CIT: variants seen among roughly 807,000 people sequenced by gnomAD.
The protein encoded by CIT is citron rho-interacting serine/threonine kinase, also known as citron Rho-interacting kinase.
Under a neutral mutation model 272.7 loss-of-function variants are expected in CIT, and 79 were observed. The ratio of observed to expected loss-of-function variants is 0.29; its 90% confidence interval spans 0.24 to 0.35. The LOEUF is 0.35. CIT is among the 10% of genes least tolerant of loss of function. The probability of loss-of-function intolerance (pLI) is 1.00; values close to 1 mark genes in which losing one functional copy is unlikely to be tolerated. For synonymous variants in CIT, 948 were observed against 995.6 expected, an observed-to-expected ratio of 0.95 and a Z score of 0.90; for missense variants, 1,909 against 2,618.3, an observed-to-expected ratio of 0.73 and a Z score of 5.91.
At chr12:119,708,340 C>T in intron 39 of CIT, 22 bp from the exon 40 acceptor site, 3 of 1,550,884 alleles carry the variant, frequency 1.9e-6, no homozygotes, top group Non-Finnish European at 2.6e-6. Flanking sequence ...AAGGAACAAC[C>T]TCTCGTCAGT....
rs1031755730 is a variant in CIT, at chr12:119,783,334, T to C, written c.1545+574A>G. The C allele has an allele frequency of 3.9e-5, 6 of 152,350 alleles. No homozygotes were observed. In the East Asian group the frequency reaches 1.2e-3, roughly 29 times the overall value. 9.4% of individuals were successfully genotyped at this position (152,350 alleles called of 1,614,324 possible). A position where few individuals can be genotyped will look rare whatever the true frequency, so the allele number is the denominator to read the frequency against. On this transcript the variant is annotated intron_variant, in intron 12 of 47. Transcript: ENST00000392521. ...ATTCAACTTCTTGAGACTGTTTAAT[T>C]GGGCACATTAAAAAACACCTGAATG...
At chr12:119,742,015 A>C (rs1464627973) in intron 24 of CIT, among the ~76,000 whole-genome samples, 3 of 152,204 alleles carry the variant, frequency 2.0e-5, no homozygotes, top group East Asian at 1.9e-4. Flanking sequence ...AATCTGGACA[A>C]GTCTCACAGA....
rs1268624070 is a variant in CIT at position 119,694,388 on chromosome 12, G to A, written c.5882+3271C>T. Among the ~76,000 whole-genome samples the A allele has an allele frequency of 6.6e-6, 1 of 152,204 alleles. No homozygotes were observed. The highest frequency in any genetic ancestry group is 6.5e-5 in the Admixed American group (1 of 15,274). On this transcript the variant is annotated intron_variant, in intron 46 of 47. Transcript: ENST00000392521. This position sits in a 1 kb window ranked among gnomAD's most constrained non-coding sequence, Gnocchi z 4.5. ...CCAATTAAGGTACAGCCCTGATAAGGAAGGTTGTGCAGGCATCTGGGGAGA... is the reference window on the plus strand; with the variant it reads ...CCAATTAAGGTACAGCCCTGATAAGAAAGGTTGTGCAGGCATCTGGGGAGA...
In CIT at chr12:119,726,297, C is replaced by A. The variant is rs144183309; in HGVS notation, c.3591+2205G>T. Among the ~76,000 whole-genome samples, 36 of 151,748 alleles carry A rather than the reference C, an allele frequency of 2.4e-4. 1 individual carries two copies. The highest frequency in any genetic ancestry group is 1.2e-3 in the Admixed American group (19 of 15,230). ...GCAGTGGTACCATCAGAGCTCAATGCAGCCTCAAACACCTGCGCTCAAGTG... is the reference window on the plus strand; with the variant it reads ...GCAGTGGTACCATCAGAGCTCAATGAAGCCTCAAACACCTGCGCTCAAGTG... On this transcript the variant is annotated intron_variant, in intron 28 of 47. Coordinates refer to ENST00000392521, the MANE Select transcript of CIT (RefSeq NM_001206999.2).
Position 119,713,536 on chromosome 12 carries a change from G to T in CIT, c.4419C>A (p.Asn1473Lys). ...FTEAFCRDKM[N>K]SPGLQTKEPS... Reference sequence around the variant, plus strand: ...GCTCCTTGGTCTGGAGACCTGGGGAGTTCATTTTGTCACGGCAGAAGGCCT... The same window carrying T: ...GCTCCTTGGTCTGGAGACCTGGGGATTTCATTTTGTCACGGCAGAAGGCCT... The change falls in exon 34 of 48, where the codon AAC becomes AAA. Residue 1473 changes from asparagine to lysine, a missense_variant. Physicochemically the swap from Asn to Lys is moderately conservative, Grantham distance 94 (BLOSUM62 0). Transcript: ENST00000392521. This position sits in a 1 kb window ranked among gnomAD's most constrained non-coding sequence, Gnocchi z 5.2. The T allele has an allele frequency of 6.2e-7, 1 of 1,614,222 alleles. No homozygotes were observed. Among genetic ancestry groups the T allele is most frequent in the Non-Finnish European group, 8.5e-7 (1 of 1,180,046 alleles).
intron 16 of CIT, 36 bp downstream of exon 16, chr12:119,775,750 G>A (rs762486733): frequency 5.8e-6 from 9 of 1,538,948 alleles, no homozygotes; most frequent in East Asian, 2.2e-5. Flanking sequence ...AGGAGGTGGT[G>A]GGGGGTAAGT....
intron 10 of CIT, among the ~76,000 whole-genome samples, chr12:119,799,146 C>T (rs191766809): frequency 6.6e-6 from 1 of 152,240 alleles, no homozygotes; most frequent in Non-Finnish European, 1.5e-5. Flanking sequence ...GCTTGGTTTC[C>T]AATCTGGTAT....
intron 5 of CIT, among the ~76,000 whole-genome samples, chr12:119,836,038 C>T (rs909199674): frequency 6.6e-6 from 1 of 152,004 alleles, no homozygotes; most frequent in African/African-American, 2.4e-5. Flanking sequence ...CCTGTAATCC[C>T]AGCACTTTGG....
intron 5 of CIT, among the ~76,000 whole-genome samples, chr12:119,845,609 C>T (rs1356249846): frequency 4.0e-5 from 6 of 149,238 alleles, no homozygotes; most frequent in African/African-American, 7.4e-5. Context: ...GCCAAGATCC[C>T]GCCACTGCAC....
intron 12 of CIT, chr12:119,782,923 T>C: frequency 3.5e-6 from 1 of 288,280 alleles, no homozygotes; most frequent in Non-Finnish European, 6.6e-6. Flanking sequence ...ACTTGCATGT[T>C]CAGGACTAAA....
At chr12:119,808,526 A>T (rs1966732603) in intron 9 of CIT, among the ~76,000 whole-genome samples, 1 of 140,532 alleles carries the variant, frequency 7.1e-6, no homozygotes, top group South Asian at 2.4e-4. Context: ...CTAGCATATT[A>T]AAAAAAAAAA....
rs76443072 is a variant in CIT, at chr12:119,707,423, G to A, written c.5211+756C>T. 2.9e-3 allele frequency among the ~76,000 whole-genome samples: 436 copies of A among 152,292 alleles called. 2 individuals are homozygous for A. The highest frequency in any genetic ancestry group is 9.9e-3 in the African/African-American group (413 of 41,550). ...ATGGAGCTGCCAATGTTAACAAAAC[G>A]CTGACATTAGAGCAGGAGGAGGCCA... On this transcript the variant is annotated intron_variant, in intron 40 of 47. Transcript: ENST00000392521.
intron 3 of CIT, among the ~76,000 whole-genome samples, chr12:119,860,278 T>C (rs1950298636): frequency 6.6e-6 from 1 of 152,150 alleles, no homozygotes; most frequent in Admixed American, 6.6e-5. Flanking sequence ...CACCTTCCCT[T>C]GGTCCCTTGG....
In CIT at chr12:119,712,265, G is replaced by A; in HGVS notation, c.4767C>T (p.Ser1589=). 6.2e-7 allele frequency: 1 copy of A among 1,614,198 alleles called. No homozygotes were observed. ...TGACCCAGCGCTGTTTGTCAGGGAAGCTGGGAGCTAGCAAGTAGAGGGTTC... is the reference window on the plus strand; with the variant it reads ...TGACCCAGCGCTGTTTGTCAGGGAAACTGGGAGCTAGCAAGTAGAGGGTTC... ...PGRTLYLLAP[S]FPDKQRWVTA... Residue 1589 remains serine (S), a synonymous_variant, in exon 37 of 48, where the codon AGC becomes AGT. Transcript: ENST00000392521. This position sits in a 1 kb window ranked among gnomAD's most constrained non-coding sequence, Gnocchi z 5.2.
chr12:119,771,268 G>A (rs948333862), intron 17 of CIT, among the ~76,000 whole-genome samples: 1 of 152,150 alleles, frequency 6.6e-6, no homozygotes, highest in African/African-American at 2.4e-5. Flanking sequence ...AAGCAAAGAG[G>A]TACAAAGTGC....
Position 119,697,728 on chromosome 12 carries a change from A to G in CIT, c.5813T>C (p.Ile1938Thr). 1 of 1,614,156 alleles carries G rather than the reference A, an allele frequency of 6.2e-7. No individual in the cohort carries two copies. Among genetic ancestry groups the G allele is most frequent in the Non-Finnish European group, 8.5e-7 (1 of 1,180,042 alleles). Residue 1938 changes from isoleucine to threonine, a missense_variant, in exon 46 of 48, where the codon ATT (isoleucine) becomes ACT (threonine). Around this residue, in one of 8 missense-constraint regions of CIT, gnomAD observed 780 missense variants for 1,067.2 expected, o/e 0.73. Coordinates refer to ENST00000392521, the MANE Select transcript of CIT (RefSeq NM_001206999.2). This position sits in a 1 kb window ranked among gnomAD's most constrained non-coding sequence, Gnocchi z 4.9. Reference sequence around the variant, plus strand: ...CTTCACGAGGTTTCCCTTGCAGCAAATGACCCTTAATTTATCCTGGTATGA... The same window carrying G: ...CTTCACGAGGTTTCCCTTGCAGCAAGTGACCCTTAATTTATCCTGGTATGA... ...ASSYQDKLRV[I>T]CCKGNLVKES...
At chr12:119,803,489 C>T in intron 9 of CIT, 100 bp from the exon 10 acceptor site, 1 of 827,654 alleles carries the variant, frequency 1.2e-6, no homozygotes, top group South Asian at 1.8e-5. Flanking sequence ...TCGGCGCTGG[C>T]GATGGCACTG....
Position 119,752,351 on chromosome 12 carries a change from G to A in CIT, c.2707-104C>T, listed in dbSNP as rs933061281. 8.2e-6 allele frequency: 9 copies of A among 1,092,234 alleles called. No individual in the cohort carries two copies. In the East Asian group the frequency reaches 2.4e-4, roughly 29 times the overall value. 67.7% of individuals were successfully genotyped at this position (1,092,234 alleles called of 1,614,324 possible). A position where few individuals can be genotyped will look rare whatever the true frequency, so the allele number is the denominator to read the frequency against. On this transcript the variant is annotated intron_variant, in intron 22 of 47. Coordinates refer to ENST00000392521, the MANE Select transcript of CIT (RefSeq NM_001206999.2). The stretch of plus-strand genomic sequence containing the variant: ...CTACTCAACCTGCAGCTGAAACCTG[G>A]TCTTGGAACCACCTTCTCGGCACTC...
intron 32 of CIT, among the ~76,000 whole-genome samples, chr12:119,716,416 T>TAAAAAAAAAAAAAAAA (rs1481968570): frequency 5.7e-5 from 4 of 70,552 alleles, no homozygotes; most frequent in Admixed American, 3.0e-4. Flanking sequence ...AAAAAAAAAG[T>TAAAAAAAAAAAAAAAA]AAAGCTCTTT....
Sources: allele counts gnomAD v4.1 joint callset (sites outside exome capture counted in the v4.1 genomes callset), GRCh38; gene constraint gnomAD v4.1.1; regional missense constraint gnomAD v4.1.1; non-coding constraint Gnocchi (gnomAD v3.1); transcripts MANE v1.5; gene names NCBI Gene and HGNC (gene_info 2026-07-23, HGNC 2026-07-21).